LPP: variants seen among roughly 807,000 people sequenced by gnomAD.
LPP encodes LIM domain containing preferred translocation partner in lipoma, also known as lipoma-preferred partner.
LPP carries 38 observed loss-of-function variants against 60.4 expected under a neutral mutation model. The observed-to-expected ratio is 0.63, with a 90% confidence interval of 0.49 to 0.83. The LOEUF is 0.83. Ranked by LOEUF, LPP falls within the 40% of genes least tolerant of loss-of-function variation. The probability of loss-of-function intolerance (pLI) is 0.00; values close to 1 mark genes in which losing one functional copy is unlikely to be tolerated. For missense variants in LPP, 902 were observed against 783.6 expected (o/e 1.15, Z -1.80); for synonymous variants, 328 against 290.8 (o/e 1.13, Z -1.30).
chr3:188,482,092 T>C (rs976257543), intron 4 of LPP, among the ~76,000 whole-genome samples: 1 of 152,168 alleles, frequency 6.6e-6, no homozygotes, highest in Admixed American at 6.5e-5. Flanking sequence ...TATATGGCAG[T>C]TCCCCCTTCA....
chr3:188,331,055 C>G (rs1053288357), intron 2 of LPP, among the ~76,000 whole-genome samples: 42 of 152,142 alleles, frequency 2.8e-4, no homozygotes, highest in Admixed American at 7.9e-4. Flanking sequence ...ATTAGGCTCG[C>G]AAATTGCATA....
rs201689258 is a variant in LPP at position 188,577,729 on chromosome 3, TTTCC to T, written c.430-31421_430-31418del. ...TGTTTCCCTCCTCTCCTCTCTTTGG[TTTCC>T]TTCCTTCCTTTGTTCCTTCGTTCCT... On this transcript the variant is annotated intron_variant, in intron 6 of 11. Coordinates refer to ENST00000617246, the MANE Select transcript of LPP (RefSeq NM_001375462.1). 5.4e-3 allele frequency among the ~76,000 whole-genome samples: 743 copies of T among 137,412 alleles called. 10 individuals are homozygous for T. Among genetic ancestry groups the T allele is most frequent in the African/African-American group, 0.018 (708 of 38,952 alleles). The allele number at this position is 137,412 out of a possible 152,430, so 90.1% of individuals were successfully genotyped here.
At chr3:188,233,104 C>T (rs1720671292) in intron 2 of LPP, among the ~76,000 whole-genome samples, 1 of 152,108 alleles carries the variant, frequency 6.6e-6, no homozygotes. Context: ...ATTGGTCACC[C>T]CAGATTTCAT....
Position 188,625,536 on chromosome 3 carries a change from G to A in LPP, c.1113+15692G>A, listed in dbSNP as rs541816271. Among the ~76,000 whole-genome samples the A allele has an allele frequency of 4.6e-5, 7 of 152,190 alleles. No homozygotes were observed. The South Asian group carries it at 8.3e-4, about 18-fold the overall frequency. On this transcript the variant is annotated intron_variant, in intron 7 of 11. Coordinates refer to ENST00000617246, the MANE Select transcript of LPP (RefSeq NM_001375462.1). ...TCTTTTACAGATGATGAAACATTTC[G>A]GAGAAGGCAAGTCAGTTTTCCAATT...
At chr3:188,810,457 CAAAGAGAGAG>C (rs1393190534) in intron 9 of LPP, among the ~76,000 whole-genome samples, 2 of 149,342 alleles carry the variant, frequency 1.3e-5, no homozygotes, top group Non-Finnish European at 1.5e-5. Flanking sequence ...TGTCTCTCTA[CAAAGAGAGAG>C]AAAGAGAGAG....
At chr3:188,247,470 A>G (rs975266415) in intron 2 of LPP, among the ~76,000 whole-genome samples, 2 of 152,106 alleles carry the variant, frequency 1.3e-5, no homozygotes, top group African/African-American at 4.8e-5. Flanking sequence ...AATTTTTGTC[A>G]TTTCACTTTT....
intron 3 of LPP, among the ~76,000 whole-genome samples, chr3:188,361,320 G>A (rs1229969432): frequency 1.3e-5 from 2 of 152,100 alleles, no homozygotes; most frequent in Non-Finnish European, 2.9e-5. Flanking sequence ...AGGGGTCGTA[G>A]GGTGTTGTTA....
intron 4 of LPP, among the ~76,000 whole-genome samples, chr3:188,451,821 G>C (rs115107345): frequency 3.0e-4 from 46 of 152,268 alleles, no homozygotes; most frequent in Non-Finnish European, 4.7e-4. Context: ...ACAGGCAAGA[G>C]GGAATGTGGC....
chr3:188,750,331 A>G (rs1727658356), intron 8 of LPP, among the ~76,000 whole-genome samples: 1 of 152,170 alleles, frequency 6.6e-6, no homozygotes, highest in African/African-American at 2.4e-5. Context: ...ATTCCTTTGC[A>G]TATTGGTTTA....
intron 1 of LPP, among the ~76,000 whole-genome samples, chr3:188,166,438 C>T (rs1719974658): frequency 1.3e-5 from 2 of 152,200 alleles, no homozygotes; most frequent in South Asian, 4.1e-4. Context: ...TTGCAGGATC[C>T]TGGTCAAAAT....
chr3:188,172,556 GT>G lies in LPP; in HGVS notation c.-190+18312del, dbSNP rs757684703. Among the ~76,000 whole-genome samples, 4 of 151,650 alleles carry G rather than the reference GT, an allele frequency of 2.6e-5. No individual in the cohort carries two copies. In the East Asian group the frequency reaches 5.9e-4, roughly 22 times the overall value. The stretch of plus-strand genomic sequence containing the variant: ...TAATAGAGATTATCTAAATGATTGT[GT>G]TTTTTTTGTTATTGTTGTCTTTTTA... On this transcript the variant is annotated intron_variant, in intron 1 of 11. Transcript: ENST00000617246.
intron 6 of LPP, among the ~76,000 whole-genome samples, chr3:188,563,460 A>ATATATGTGTGTGTGTGTGTGTGTG (rs373067080): frequency 7.0e-6 from 1 of 141,938 alleles, no homozygotes; most frequent in East Asian, 2.0e-4. Context: ...TTACATATAT[A>ATATATGTGTGTGTGTGTGTGTGTG]TGTGTGTGTG....
At chr3:188,526,599 C>G (rs1820653012) in intron 6 of LPP, among the ~76,000 whole-genome samples, 1 of 152,168 alleles carries the variant, frequency 6.6e-6, no homozygotes, top group African/African-American at 2.4e-5. Context: ...CTGCTGTCTT[C>G]TTTAGATACA....
At chr3:188,276,884 CTTTTCTTTTCTTTTTTTTT>C (rs1740035769) in intron 2 of LPP, among the ~76,000 whole-genome samples, 1 of 101,472 alleles carries the variant, frequency 9.9e-6, no homozygotes. Flanking sequence ...TCAACCACTT[CTTTTCTTTTCTTTTTTTTT>C]TTTTTTTTTT....
At chr3:188,568,485 T>C (rs1215064825) in intron 6 of LPP, 4 of 151,974 alleles carry the variant, frequency 2.6e-5, no homozygotes, top group African/African-American at 9.7e-5. Context: ...GTTATGGAGA[T>C]TGACAATAGT....
intron 2 of LPP, among the ~76,000 whole-genome samples, chr3:188,298,941 A>G (rs1191686081): frequency 6.6e-6 from 1 of 152,216 alleles, no homozygotes; most frequent in Non-Finnish European, 1.5e-5. Context: ...TATAGGCTTC[A>G]GCCTTTTTAT....
At position 188,889,149 on chromosome 3, in the gene LPP, A is replaced by G. The variant is rs2152107578; in HGVS notation, c.*14670A>G. 2 of 227,864 alleles carry G rather than the reference A, an allele frequency of 8.8e-6. No individual in the cohort carries two copies. Among genetic ancestry groups the G allele is most frequent in the Admixed American group, 1.1e-4 (2 of 17,606 alleles). The allele number at this position is 227,864 out of a possible 1,614,324, so 14.1% of individuals were successfully genotyped here. A position where few individuals can be genotyped will look rare whatever the true frequency, so the allele number is the denominator to read the frequency against. ...TGGGGATTGGAAGCTCAGGGGGCCAAATGTCCTTGCCAGATCCTTAGAGCA... is the reference window on the plus strand; with the variant it reads ...TGGGGATTGGAAGCTCAGGGGGCCAGATGTCCTTGCCAGATCCTTAGAGCA... On this transcript the variant is annotated 3_prime_UTR_variant, in exon 12 of 12. Transcript: ENST00000617246.
intron 6 of LPP, among the ~76,000 whole-genome samples, chr3:188,551,085 A>G (rs1326773332): frequency 6.6e-6 from 1 of 152,192 alleles, no homozygotes; most frequent in Non-Finnish European, 1.5e-5. Flanking sequence ...ATTAAGCTCT[A>G]TTAGTCCATT....
chr3:188,655,522 G>A (rs1852987056), intron 7 of LPP, among the ~76,000 whole-genome samples: 1 of 152,144 alleles, frequency 6.6e-6, no homozygotes, highest in Admixed American at 6.5e-5. Flanking sequence ...GAAGAAGCAT[G>A]GATTATCTCA....
Sources: gnomAD v4.1 joint callset for allele counts (sites outside exome capture counted in the v4.1 genomes callset) on GRCh38, gnomAD v4.1.1 for gene constraint, MANE v1.5 for transcripts, NCBI Gene and HGNC (gene_info 2026-07-23, HGNC 2026-07-21) for gene names.